The following NAV1 variants were observed in gnomAD, a reference collection of about 807,000 sequenced individuals.
The protein encoded by NAV1 is neuron navigator 1, also known as pore membrane and/or filament interacting like protein 3.
NAV1 carries 18 observed loss-of-function variants against 175.2 expected under a neutral mutation model. The ratio of observed to expected loss-of-function variants is 0.10; its 90% CI spans 0.07 to 0.15. The LOEUF (loss-of-function observed/expected upper bound fraction) is 0.15. Ranked by LOEUF, NAV1 falls within the 10% of genes least tolerant of loss-of-function variation. NAV1 has a pLI of 1.00. For synonymous variants in NAV1, 897 were observed against 978.7 expected (o/e 0.92, Z 1.56); for missense variants, 1,731 against 2,436.6 (o/e 0.71, Z 6.10).
At chr1:201,646,365 A>T (rs891130410), upstream of NAV1, among the ~76,000 whole-genome samples, 6 of 152,182 alleles carry the variant, frequency 3.9e-5, no homozygotes, top group African/African-American at 1.2e-4. Flanking sequence ...TGTTATTCTT[A>T]TAATTGGAAT....
At chr1:201,598,331 G>A (rs2102226810) in intron 2 of NAV1, among the ~76,000 whole-genome samples, 1 of 152,362 alleles carries the variant, frequency 6.6e-6, no homozygotes, top group Non-Finnish European at 1.5e-5. Flanking sequence ...AGAGAGATGA[G>A]TCTGGGAAAT....
chr1:201,690,894 T>A (rs1670903579), intron 1 of NAV1, among the ~76,000 whole-genome samples: 1 of 152,214 alleles, frequency 6.6e-6, no homozygotes, highest in Non-Finnish European at 1.5e-5. Flanking sequence ...GGTACGAGAT[T>A]TTGCATATCA....
At chr1:201,672,473 T>G (rs1670079075) in intron 1 of NAV1, among the ~76,000 whole-genome samples, 1 of 152,224 alleles carries the variant, frequency 6.6e-6, no homozygotes, top group Non-Finnish European at 1.5e-5. Context: ...TAGAGCAATT[T>G]CTTTGTGCCA....
chr1:201,741,283 C>G (rs1673405583), intron 3 of NAV1, among the ~76,000 whole-genome samples: 1 of 152,178 alleles, frequency 6.6e-6, no homozygotes, highest in Admixed American at 6.5e-5. Context: ...CCGCTGACTC[C>G]AAACTTTTTT....
At chr1:201,667,600 A>AG (rs1218165964) in intron 1 of NAV1, among the ~76,000 whole-genome samples, 1 of 152,122 alleles carries the variant, frequency 6.6e-6, no homozygotes, top group Non-Finnish European at 1.5e-5. Context: ...GGACCCGGGG[A>AG]GGAGGAGGAT....
At chr1:201,642,529 C>CTT (rs1553247060) in intron 2 of NAV1, among the ~76,000 whole-genome samples, 1 of 99,098 alleles carries the variant, frequency 1.0e-5, no homozygotes, top group African/African-American at 4.9e-5. Context: ...TTCTTTTTTT[C>CTT]TTTCTTTCTT....
rs1324681201 is a variant in NAV1 at position 201,782,557 on chromosome 1, T to C, written c.2045T>C (p.Met682Thr). The C allele has an allele frequency of 6.2e-7, 1 of 1,612,060 alleles. No individual in the cohort carries two copies. The highest frequency in any genetic ancestry group is 1.7e-5 in the Admixed American group (1 of 59,968). The stretch of plus-strand genomic sequence containing the variant: ...CCCCGGCCAGCCAAGTCAAGTTCTA[T>C]GAGCGTGACCGGCGGGCGGGGTGGA... The change falls in exon 6 of 30, where the codon ATG (methionine) becomes ACG (threonine). Residue 682 changes from methionine to threonine, a missense_variant. This residue lies in a region of NAV1 where 634 missense variants were observed against 766.8 expected (regional missense o/e 0.83). Transcript: ENST00000367296. This position sits in a 1 kb window ranked among gnomAD's most constrained non-coding sequence, Gnocchi z 5.4.
chr1:201,792,774 C>G (rs1030102243), intron 13 of NAV1: 2 of 152,226 alleles, frequency 1.3e-5, no homozygotes, highest in African/African-American at 4.8e-5. Context: ...AGAGGAGGCT[C>G]TAACTGGACT....
chr1:201,823,034 G>C (rs1182563525), exon 30 of NAV1: 2 of 152,620 alleles, frequency 1.3e-5, no homozygotes, highest in Non-Finnish European at 2.9e-5. Context: ...CTTCAGAAAA[G>C]AAACACTGGG....
At chr1:201,676,504 G>GCCTCAGGGAC (rs1163693516) in intron 1 of NAV1, among the ~76,000 whole-genome samples, 7 of 152,160 alleles carry the variant, frequency 4.6e-5, no homozygotes, top group Non-Finnish European at 8.8e-5. Flanking sequence ...GAGTCAGGGA[G>GCCTCAGGGAC]CCTCAGGGAG....
Position 201,740,046 on chromosome 1 carries a change from G to A in NAV1, c.1226+21291G>A. On this transcript the variant is annotated intron_variant, in intron 3 of 29. Transcript: ENST00000367296. The surrounding 1 kb of genome is among the most constrained non-coding windows in gnomAD (Gnocchi z 4.7). ...AAGATGCTTCATCTGCCCCTGCCCAGATCCGGAAGAACGGTGAATTTCCCC... is the reference window on the plus strand; with the variant it reads ...AAGATGCTTCATCTGCCCCTGCCCAAATCCGGAAGAACGGTGAATTTCCCC... 3.3e-6 allele frequency: 5 copies of A among 1,502,418 alleles called. No individual in the cohort carries two copies. The highest frequency in any genetic ancestry group is 4.4e-6 in the Non-Finnish European group (5 of 1,123,742). The allele number at this position is 1,502,418 out of a possible 1,614,324, so 93.1% of individuals were successfully genotyped here.
Position 201,794,960 on chromosome 1 carries a change from A to C in NAV1, c.3517+383A>C, listed in dbSNP as rs546419774. On this transcript the variant is annotated intron_variant, in intron 15 of 29. Coordinates refer to ENST00000367296, the Ensembl canonical transcript of NAV1. ...ACTTTAGTTCTCCAACTACTCTTCC[A>C]ATGAAACAACCAAAGCTCACATAGG... is the stretch of plus-strand genomic sequence containing the variant. The C allele has an allele frequency of 1.1e-4, 19 of 178,256 alleles. No individual in the cohort carries two copies. In the South Asian group the frequency reaches 2.3e-3, roughly 22 times the overall value. The allele number at this position is 178,256 out of a possible 1,614,324, so 11.0% of individuals were successfully genotyped here.
At chr1:201,683,904 T>A (rs1220552532) in intron 1 of NAV1, among the ~76,000 whole-genome samples, 1 of 152,158 alleles carries the variant, frequency 6.6e-6, no homozygotes, top group Non-Finnish European at 1.5e-5. Flanking sequence ...AATTCTTCTT[T>A]ATGGGAGATT....
intron 1 of NAV1, among the ~76,000 whole-genome samples, chr1:201,569,575 G>A (rs917280905): frequency 2.0e-5 from 3 of 152,170 alleles, no homozygotes; most frequent in African/African-American, 7.2e-5. Context: ...CATCATATAA[G>A]ATGCTCCAGG....
chr1:201,658,720 C>T (rs1268315123), intron 1 of NAV1, among the ~76,000 whole-genome samples: 5 of 152,106 alleles, frequency 3.3e-5, no homozygotes, highest in Admixed American at 2.0e-4. Flanking sequence ...GTCCTGTGCC[C>T]GCTGGTCCTT....
intron 1 of NAV1, among the ~76,000 whole-genome samples, chr1:201,672,076 A>G (rs1670065639): frequency 6.6e-6 from 1 of 152,150 alleles, no homozygotes; most frequent in Non-Finnish European, 1.5e-5. Flanking sequence ...TCAGGACTGA[A>G]CCAAGAACTC....
chr1:201,553,942 T>C (rs868531890), intron 1 of NAV1, among the ~76,000 whole-genome samples: 6 of 152,240 alleles, frequency 3.9e-5, no homozygotes, highest in Non-Finnish European at 7.3e-5. Context: ...CCAGCATCAA[T>C]AGAGTATCTG....
rs934222651 is a variant in NAV1, at chr1:201,782,120, G to A, written c.1664-56G>A. Reference sequence around the variant, plus strand: ...TCCCATGGAGGGAAAGAAAAGGGTGGGTTTTTAAGATACTGGTCAGTTTCA... The same window carrying A: ...TCCCATGGAGGGAAAGAAAAGGGTGAGTTTTTAAGATACTGGTCAGTTTCA... On this transcript the variant is annotated intron_variant, in intron 5 of 29. Coordinates refer to ENST00000367296, the Ensembl canonical transcript of NAV1. This position sits in a 1 kb window ranked among gnomAD's most constrained non-coding sequence, Gnocchi z 5.4. 2 of 1,458,864 alleles carry A rather than the reference G, an allele frequency of 1.4e-6. No homozygotes were observed. The highest frequency in any genetic ancestry group is 2.8e-5 in the African/African-American group (2 of 70,666). 90.4% of individuals were successfully genotyped at this position (1,458,864 alleles called of 1,614,324 possible).
At chr1:201,696,893 C>A (rs542473199) in intron 1 of NAV1, among the ~76,000 whole-genome samples, 24 of 152,210 alleles carry the variant, frequency 1.6e-4, no homozygotes, top group Admixed American at 5.2e-4. Flanking sequence ...ATTCGTGTTT[C>A]GCACCATGCC....
Sources: gnomAD v4.1 joint callset for allele counts (sites outside exome capture counted in the v4.1 genomes callset) on GRCh38, gnomAD v4.1.1 for gene constraint, gnomAD v4.1.1 regional missense constraint, Gnocchi (gnomAD v3.1) non-coding constraint, MANE v1.5 for transcripts, NCBI Gene and HGNC (gene_info 2026-07-23, HGNC 2026-07-21) for gene names.